GRID1: variants seen among roughly 807,000 people sequenced by gnomAD.
GRID1 encodes glutamate receptor ionotropic, delta-1.
Under a neutral mutation model 98.0 loss-of-function variants are expected in GRID1, and 28 were observed. That is an observed-to-expected ratio of 0.29 (90% CI 0.21 to 0.39). The LOEUF (loss-of-function observed/expected upper bound fraction) is 0.39. GRID1 is among the 10% of genes least tolerant of loss of function. The pLI is 1.00. For missense variants in GRID1, 1,111 were observed against 1,340.5 expected (o/e 0.83, Z 2.67); for synonymous variants, 553 against 538.5 (o/e 1.03, Z -0.37).
At chr10:85,786,552 T>A (rs1040624266) in intron 8 of GRID1, among the ~76,000 whole-genome samples, 3 of 152,200 alleles carry the variant, frequency 2.0e-5, no homozygotes, top group Admixed American at 1.3e-4. Context: ...TGGAACCACG[T>A]GGGCCCGCAA....
At chr10:85,831,848 G>GA (rs1462737364) in intron 8 of GRID1, among the ~76,000 whole-genome samples, 3 of 150,758 alleles carry the variant, frequency 2.0e-5, no homozygotes, top group African/African-American at 7.3e-5. Context: ...TTAAATGAAA[G>GA]AAAAATAAAC....
chr10:85,821,516 C>CAA lies in GRID1; in HGVS notation c.1233+32978_1233+32979dup, dbSNP rs1157209045. On this transcript the variant is annotated intron_variant, in intron 8 of 15. Transcript: ENST00000327946. ...TGGGTGACAGAGCAAGACTTCATCT[C>CAA]AAAAAAAAAAAAAAAAAAAAAAAAA... 8.5e-3 allele frequency among the ~76,000 whole-genome samples: 77 copies of CAA among 9,086 alleles called. 3 individuals carry two copies. The highest frequency in any genetic ancestry group is 0.013 in the East Asian group (7 of 526). The allele number at this position is 9,086 out of a possible 152,430, so 6.0% of individuals were successfully genotyped here.
intron 4 of GRID1, among the ~76,000 whole-genome samples, chr10:86,021,332 CA>C (rs1431189013): frequency 9.9e-5 from 15 of 152,056 alleles, no homozygotes; most frequent in South Asian, 2.1e-4. Flanking sequence ...ATAATGTGCT[CA>C]ACAATGCTGT....
At chr10:85,668,523 G>A (rs1198522334) in intron 12 of GRID1, among the ~76,000 whole-genome samples, 1 of 152,200 alleles carries the variant, frequency 6.6e-6, no homozygotes, top group East Asian at 1.9e-4. Flanking sequence ...TAAGGTGAGA[G>A]TTTGAACTAA....
chr10:86,121,276 T>C (rs1299141034), intron 4 of GRID1, among the ~76,000 whole-genome samples: 1 of 151,202 alleles, frequency 6.6e-6, no homozygotes, highest in African/African-American at 2.5e-5. Context: ...TGCAATTTCA[T>C]TCTGCACCTT....
chr10:85,681,041 T>C (rs116868813), intron 12 of GRID1, among the ~76,000 whole-genome samples: 3,188 of 152,334 alleles, frequency 0.021, 62 homozygotes, highest in Middle Eastern at 0.051. Context: ...GTATTCTATT[T>C]GGGTGATGAC....
At position 85,620,137 on chromosome 10, in the gene GRID1, T is replaced by TGG. The variant is rs1360219670; in HGVS notation, c.2194-106_2194-105dup. The TGG allele has an allele frequency of 8.0e-4, 713 of 892,430 alleles. 1 individual carries two copies. The highest frequency in any genetic ancestry group is 2.6e-3 in the Admixed American group (127 of 49,070). 55.3% of individuals were successfully genotyped at this position (892,430 alleles called of 1,614,324 possible). A position where few individuals can be genotyped will look rare whatever the true frequency, so the allele number is the denominator to read the frequency against. ...TGGGATTTGAGGGACCCATCCTCAA[T>TGG]GGTCTTCCTACCCACCAGACAGCAC... On this transcript the variant is annotated intron_variant, in intron 13 of 15. Coordinates refer to ENST00000327946, the MANE Select transcript of GRID1 (RefSeq NM_017551.3).
chr10:86,223,968 G>C (rs540786666), intron 2 of GRID1, among the ~76,000 whole-genome samples: 1 of 151,354 alleles, frequency 6.6e-6, no homozygotes, highest in African/African-American at 2.4e-5. Context: ...CAGGTGATAG[G>C]CTAAGGACCA....
intron 12 of GRID1, chr10:85,647,629 G>A: frequency 2.0e-6 from 1 of 496,330 alleles, no homozygotes; most frequent in East Asian, 3.2e-5. Flanking sequence ...TAAGATGACT[G>A]GGCACCTAAA....
At chr10:86,029,880 C>T (rs578003883) in intron 4 of GRID1, among the ~76,000 whole-genome samples, 1 of 152,234 alleles carries the variant, frequency 6.6e-6, no homozygotes, top group South Asian at 2.1e-4. Flanking sequence ...TTCATAGACC[C>T]CCAGAGGGAA....
intron 4 of GRID1, among the ~76,000 whole-genome samples, chr10:86,042,995 G>A (rs1217897350): frequency 6.6e-6 from 1 of 152,056 alleles, no homozygotes; most frequent in African/African-American, 2.4e-5. Flanking sequence ...TGAGGTGGAA[G>A]GATCCCTTGA....
chr10:85,825,094 T>C (rs564206225), intron 8 of GRID1, among the ~76,000 whole-genome samples: 1 of 152,304 alleles, frequency 6.6e-6, no homozygotes, highest in Non-Finnish European at 1.5e-5. Context: ...TAGGTCTACT[T>C]TTAGTTTTTT....
At position 85,797,738 on chromosome 10, in the gene GRID1, C is replaced by T. The variant is rs374818314; in HGVS notation, c.1233+56758G>A. ...AGTGCTGGGATTACGGTGTGAGCCA[C>T]CACGCCCAGCCCACAGTGTCTATTA... is the stretch of plus-strand genomic sequence containing the variant. On this transcript the variant is annotated intron_variant, in intron 8 of 15. Coordinates refer to ENST00000327946, the MANE Select transcript of GRID1 (RefSeq NM_017551.3). Among the ~76,000 whole-genome samples the T allele has an allele frequency of 2.0e-5, 3 of 151,942 alleles. No individual in the cohort carries two copies. The East Asian group carries it at 5.8e-4, about 29-fold the overall frequency.
At chr10:86,007,447 C>T (rs921005695) in intron 4 of GRID1, among the ~76,000 whole-genome samples, 2 of 152,194 alleles carry the variant, frequency 1.3e-5, no homozygotes, top group African/African-American at 4.8e-5. Flanking sequence ...GCCTCCAACC[C>T]AACTGCTCTG....
intron 12 of GRID1, among the ~76,000 whole-genome samples, chr10:85,660,573 A>C (rs1840953912): frequency 6.6e-6 from 1 of 151,814 alleles, no homozygotes; most frequent in Non-Finnish European, 1.5e-5. Flanking sequence ...AGAGAATTAG[A>C]GACTCATACC....
At chr10:85,908,304 A>G (rs1042581345) in intron 5 of GRID1, among the ~76,000 whole-genome samples, 2 of 152,206 alleles carry the variant, frequency 1.3e-5, no homozygotes, top group African/African-American at 4.8e-5. Flanking sequence ...GAATCTATGA[A>G]AAACTCCACT....
At chr10:85,659,229 G>A (rs961006463) in intron 12 of GRID1, among the ~76,000 whole-genome samples, 12 of 152,354 alleles carry the variant, frequency 7.9e-5, no homozygotes, top group Admixed American at 5.9e-4. Flanking sequence ...GTGTGTTCAT[G>A]TAAGAGTGTA....
At chr10:86,238,668 CAAAAAAAAAAA>C (rs931719950) in intron 2 of GRID1, among the ~76,000 whole-genome samples, 1 of 47,084 alleles carries the variant, frequency 2.1e-5, no homozygotes, top group Non-Finnish European at 5.2e-5. Context: ...GATTCCATCT[CAAAAAAAAAAA>C]AAAAAAAAAA....
At chr10:85,701,211 G>A (rs1841447282) in intron 12 of GRID1, among the ~76,000 whole-genome samples, 1 of 152,048 alleles carries the variant, frequency 6.6e-6, no homozygotes, top group Non-Finnish European at 1.5e-5. Flanking sequence ...TCATCTCCGT[G>A]GATTTCTTCT....
Sources: allele counts gnomAD v4.1 joint callset (sites outside exome capture counted in the v4.1 genomes callset), GRCh38; gene constraint gnomAD v4.1.1; transcripts MANE v1.5; gene names NCBI Gene and HGNC (gene_info 2026-07-23, HGNC 2026-07-21).